The following ITGA6 variants were observed in gnomAD, a reference collection of about 807,000 sequenced individuals.
ITGA6 encodes integrin subunit alpha 6, also known as integrin alpha-6.
Under a neutral mutation model 133.6 loss-of-function variants are expected in ITGA6, and 63 were observed. That is an observed-to-expected ratio of 0.47 (90% CI 0.38 to 0.58). The LOEUF is 0.58. Ranked by LOEUF, ITGA6 falls within the 20% of genes least tolerant of loss-of-function variation. The pLI is 0.00. For synonymous variants in ITGA6, 434 were observed against 482.0 expected (o/e 0.90, Z 1.30); for missense variants, 1,068 against 1,309.4 (o/e 0.82, Z 2.85).
chr2:172,501,927 C>T, intron 25 of ITGA6, 26 bp downstream of exon 25: 1 of 1,599,018 alleles, frequency 6.3e-7, no homozygotes, highest in Non-Finnish European at 8.5e-7. Context: ...TTTTTAATTG[C>T]TAGCTGTGGG....
At chr2:172,483,608 T>A (rs1286814451) in intron 11 of ITGA6, among the ~76,000 whole-genome samples, 3 of 152,054 alleles carry the variant, frequency 2.0e-5, no homozygotes, top group Non-Finnish European at 4.4e-5. Context: ...CAACAAAGAA[T>A]GCGTTCTGAA....
At chr2:172,468,696 G>A (rs10497384) in intron 3 of ITGA6, among the ~76,000 whole-genome samples, 22,083 of 152,116 alleles carry the variant, frequency 0.15, 1,725 homozygotes, top group Non-Finnish European at 0.17. Flanking sequence ...TGATCCCTAT[G>A]AAAACAGGTC....
At chr2:172,450,887 A>ATATACAAATATATATTTATATTTG (rs1684963087) in intron 1 of ITGA6, among the ~76,000 whole-genome samples, 6 of 147,098 alleles carry the variant, frequency 4.1e-5, no homozygotes, top group African/African-American at 1.5e-4. Context: ...TTATATATTT[A>ATATACAAATATATATTTATATTTG]TATACAAATA....
rs886055143 is a variant in ITGA6 at position 172,506,135 on chromosome 2, AT to A, written c.*2069del. 2.0e-5 allele frequency: 3 copies of A among 152,750 alleles called. No homozygotes were observed. The highest frequency in any genetic ancestry group is 2.0e-4 in the Admixed American group (3 of 15,302). The allele number at this position is 152,750 out of a possible 1,614,324, so 9.5% of individuals were successfully genotyped here. ...ACTAGCATTGTAAAATTATTTCATG[AT>A]TAGAAATTACCTGTGGATATTTGTA... On this transcript the variant is annotated 3_prime_UTR_variant, in exon 26 of 26. Transcript: ENST00000684293.
intron 11 of ITGA6, among the ~76,000 whole-genome samples, chr2:172,482,957 C>G (rs1686511572): frequency 6.6e-6 from 1 of 152,192 alleles, no homozygotes; most frequent in Non-Finnish European, 1.5e-5. Context: ...AGGTGTTGTG[C>G]TAGTTGCTGG....
intron 5 of ITGA6, among the ~76,000 whole-genome samples, chr2:172,473,352 A>G (rs1686028758): frequency 6.6e-6 from 1 of 152,232 alleles, no homozygotes; most frequent in Non-Finnish European, 1.5e-5. Flanking sequence ...GAACAAGTAT[A>G]TAACTGATAC....
At chr2:172,490,916 TTGA>T (rs1686894750) in intron 20 of ITGA6, 105 bp from the exon 21 acceptor site, 1 of 748,434 alleles carries the variant, frequency 1.3e-6, no homozygotes, top group Non-Finnish European at 2.4e-6. Context: ...GCAAATATTG[TTGA>T]TTATGTGAAT....
intron 9 of ITGA6, among the ~76,000 whole-genome samples, chr2:172,479,347 T>C (rs1686322874): frequency 6.6e-6 from 1 of 152,246 alleles, no homozygotes. Context: ...CAAGGCTACT[T>C]GGGTGTTCGG....
chr2:172,476,909 C>T (rs536443132), intron 9 of ITGA6, among the ~76,000 whole-genome samples: 1 of 152,158 alleles, frequency 6.6e-6, no homozygotes, highest in East Asian at 1.9e-4. Context: ...GTATATTTAA[C>T]AAAATTAAGA....
chr2:172,444,053 A>G (rs1395682672), intron 1 of ITGA6, among the ~76,000 whole-genome samples: 1 of 152,210 alleles, frequency 6.6e-6, no homozygotes, highest in Non-Finnish European at 1.5e-5. Context: ...GGATTACAGG[A>G]GTGAGCCACC....
At position 172,491,524 on chromosome 2, in the gene ITGA6, G is replaced by A; in HGVS notation, c.2988+1G>A. 1 of 1,600,832 alleles carries A rather than the reference G, an allele frequency of 6.2e-7. No homozygotes were observed. Among genetic ancestry groups the A allele is most frequent in the Non-Finnish European group, 8.6e-7 (1 of 1,168,480 alleles). On this transcript the variant is annotated splice_donor_variant, in intron 23 of 25. Transcript: ENST00000684293. LOFTEE classifies it high-confidence loss of function. This position sits in a 1 kb window ranked among gnomAD's most constrained non-coding sequence, Gnocchi z 4.4. ...CAGGCTGCCAAATGCAGGCACTCAGGTGAGAGGTTCCCCAGCTTCATTCAG... is the reference window on the plus strand; with the variant it reads ...CAGGCTGCCAAATGCAGGCACTCAGATGAGAGGTTCCCCAGCTTCATTCAG...
chr2:172,427,845 G>A lies in ITGA6; in HGVS notation c.57G>A (p.Arg19=), dbSNP rs746942286. The A allele has an allele frequency of 6.2e-7, 1 of 1,606,032 alleles. No homozygotes were observed. Among genetic ancestry groups the A allele is most frequent in the African/African-American group, 1.3e-5 (1 of 74,444 alleles). Reference sequence around the variant, plus strand: ...ACCTGTCGGCGGGGCTCCTGTCCCGGCTCGGCGCAGCCTTCAACTTGGACA... The same window carrying A: ...ACCTGTCGGCGGGGCTCCTGTCCCGACTCGGCGCAGCCTTCAACTTGGACA... ...LLYLSAGLLS[R]LGAAFNLDTR... Residue 19 remains arginine, a synonymous_variant, in exon 1 of 26, where the codon CGG becomes CGA. Coordinates refer to ENST00000684293, the MANE Select transcript of ITGA6 (RefSeq NM_000210.4).
Position 172,427,818 on chromosome 2 carries a change from C to T in ITGA6, c.30C>T (p.Leu10=), listed in dbSNP as rs373112270. MAAAGQLCL[L]YLSAGLLSRL... ...CCGCCGCCGGGCAGCTGTGCTTGCT[C>T]TACCTGTCGGCGGGGCTCCTGTCCC... Residue 10 remains leucine, a synonymous_variant, in exon 1 of 26, where the codon CTC becomes CTT. Transcript: ENST00000684293. 1 of 1,602,996 alleles carries T rather than the reference C, an allele frequency of 6.2e-7. No homozygotes were observed. Among genetic ancestry groups the T allele is most frequent in the African/African-American group, 1.4e-5 (1 of 74,056 alleles).
intron 24 of ITGA6, among the ~76,000 whole-genome samples, chr2:172,501,265 G>C (rs995588122): frequency 1.3e-5 from 2 of 152,120 alleles, no homozygotes; most frequent in Admixed American, 1.3e-4. Context: ...AGATCCAAAG[G>C]CCTCAAGTAA....
chr2:172,479,109 AT>A (rs1216937923), intron 9 of ITGA6, among the ~76,000 whole-genome samples: 1 of 152,182 alleles, frequency 6.6e-6, no homozygotes, highest in Non-Finnish European at 1.5e-5. Context: ...ATGTCTACCG[AT>A]TAGGTACTGG....
Position 172,504,119 on chromosome 2 carries a change from A to G in ITGA6, c.*51A>G. The G allele has an allele frequency of 6.2e-7, 1 of 1,600,484 alleles. No homozygotes were observed. The highest frequency in any genetic ancestry group is 8.5e-7 in the Non-Finnish European group (1 of 1,172,794). On this transcript the variant is annotated 3_prime_UTR_variant, in exon 26 of 26. Transcript: ENST00000684293. The stretch of plus-strand genomic sequence containing the variant: ...GGATTCTTTAAACGCTCTAGGTACG[A>G]TGACAGTGTTCCCCGATACCATGCT...
chr2:172,506,098 A>AT lies in ITGA6; in HGVS notation c.*2035dup. Reference sequence around the variant, plus strand: ...TCACTGGTCTGTTTGCATTTGATACATTTTTGTACTAACTAGCATTGTAAA... The same window carrying AT: ...TCACTGGTCTGTTTGCATTTGATACATTTTTTGTACTAACTAGCATTGTAAA... On this transcript the variant is annotated 3_prime_UTR_variant, in exon 26 of 26. Coordinates refer to ENST00000684293, the MANE Select transcript of ITGA6 (RefSeq NM_000210.4). 6.5e-6 allele frequency: 1 copy of AT among 152,786 alleles called. No individual in the cohort carries two copies. Among genetic ancestry groups the AT allele is most frequent in the East Asian group, 1.9e-4 (1 of 5,188 alleles). The allele number at this position is 152,786 out of a possible 1,614,324, so 9.5% of individuals were successfully genotyped here.
chr2:172,436,248 A>G (rs924024535), intron 1 of ITGA6, among the ~76,000 whole-genome samples: 1 of 152,230 alleles, frequency 6.6e-6, no homozygotes, highest in Non-Finnish European at 1.5e-5. Flanking sequence ...CTATTGAATT[A>G]GATGGTGCCA....
At chr2:172,461,697 C>T (rs1208301067) in intron 1 of ITGA6, among the ~76,000 whole-genome samples, 1 of 152,170 alleles carries the variant, frequency 6.6e-6, no homozygotes, top group East Asian at 1.9e-4. Flanking sequence ...GGCCTGGGCC[C>T]AGTTTTTGGC....
Sources: allele counts gnomAD v4.1 joint callset (sites outside exome capture counted in the v4.1 genomes callset), GRCh38; gene constraint gnomAD v4.1.1; non-coding constraint Gnocchi (gnomAD v3.1); transcripts MANE v1.5; gene names NCBI Gene and HGNC (gene_info 2026-07-23, HGNC 2026-07-21).